PTPRD: variants seen among roughly 807,000 people sequenced by gnomAD.
PTPRD encodes the protein receptor-type tyrosine-protein phosphatase delta.
A neutral mutation model predicts 214.5 loss-of-function variants in PTPRD; 34 were observed. The ratio of observed to expected loss-of-function variants is 0.16; its 90% CI spans 0.12 to 0.21. The LOEUF (loss-of-function observed/expected upper bound fraction) is 0.21. PTPRD is among the 10% of genes least tolerant of loss of function. The pLI is 1.00. For missense variants in PTPRD, 2,545 were observed against 2,398.7 expected, an observed-to-expected ratio of 1.06 and a Z score of -1.27; for synonymous variants, 1,128 against 845.7, an observed-to-expected ratio of 1.33 and a Z score of -5.79.
intron 2 of PTPRD, among the ~76,000 whole-genome samples, chr9:10,428,360 G>T (rs192619836): frequency 6.6e-5 from 10 of 152,078 alleles, no homozygotes; most frequent in Admixed American, 3.3e-4. Context: ...TAATGCCTCA[G>T]TAACATGGCT....
chr9:8,722,500 T>G (rs115584517), intron 12 of PTPRD, among the ~76,000 whole-genome samples: 85,346 of 150,198 alleles, frequency 0.57, 24,882 homozygotes, highest in African/African-American at 0.74. Flanking sequence ...AATAAAGGGT[T>G]TTTTTTTTTC....
intron 2 of PTPRD, among the ~76,000 whole-genome samples, chr9:10,568,264 G>A (rs1316553819): frequency 6.6e-6 from 1 of 151,926 alleles, no homozygotes; most frequent in Non-Finnish European, 1.5e-5. Context: ...ATGGTTTCCA[G>A]CTTCATCCAT....
At chr9:10,316,696 T>G (rs2154423890) in intron 3 of PTPRD, among the ~76,000 whole-genome samples, 1 of 152,016 alleles carries the variant, frequency 6.6e-6, no homozygotes, top group Non-Finnish European at 1.5e-5. Context: ...ATCCATACAT[T>G]TTTCCACATA....
At chr9:10,002,181 T>C (rs1416091078) in intron 4 of PTPRD, among the ~76,000 whole-genome samples, 2 of 150,006 alleles carry the variant, frequency 1.3e-5, no homozygotes, top group East Asian at 2.0e-4. Flanking sequence ...ATAGAATAAA[T>C]AACATAGGAA....
chr9:10,360,304 G>C (rs183419028), intron 2 of PTPRD, among the ~76,000 whole-genome samples: 1 of 152,338 alleles, frequency 6.6e-6, no homozygotes, highest in East Asian at 1.9e-4. Context: ...TAAAAATTTA[G>C]AAAGGGTATT....
rs1260806230 is a variant in PTPRD at position 9,493,563 on chromosome 9, C to T, written c.-237+81169G>A. Among the ~76,000 whole-genome samples the T allele has an allele frequency of 2.6e-5, 4 of 151,928 alleles. No individual in the cohort carries two copies. The East Asian group carries it at 7.8e-4, about 29-fold the overall frequency. On this transcript the variant is annotated intron_variant, in intron 8 of 45. Coordinates refer to ENST00000381196, the MANE Select transcript of PTPRD (RefSeq NM_002839.4). ...TAGCACTTTGGGAGGCCGAGGCAGG[C>T]AGATCACAAGGTCAGGAGATCGAGA...
chr9:8,780,217 T>A (rs1367391382), intron 11 of PTPRD, among the ~76,000 whole-genome samples: 2 of 152,150 alleles, frequency 1.3e-5, no homozygotes, highest in African/African-American at 2.4e-5. Context: ...TCAGTAAAAA[T>A]TCTAGATAAT....
chr9:9,662,568 G>A (rs879914232), intron 7 of PTPRD, among the ~76,000 whole-genome samples: 6 of 151,564 alleles, frequency 4.0e-5, no homozygotes, highest in Non-Finnish European at 4.4e-5. Flanking sequence ...CTTCTGTTAA[G>A]AAATCTGAAT....
chr9:9,717,317 T>C (rs778698389), intron 7 of PTPRD, among the ~76,000 whole-genome samples: 4 of 152,192 alleles, frequency 2.6e-5, no homozygotes, highest in Non-Finnish European at 5.9e-5. Context: ...TCACTTAGGA[T>C]TGACTTGGTA....
intron 7 of PTPRD, among the ~76,000 whole-genome samples, chr9:9,729,572 T>G (rs111866075): frequency 7.2e-5 from 11 of 152,212 alleles, no homozygotes; most frequent in African/African-American, 2.6e-4. Context: ...TAACCTGCTA[T>G]CCCAGCAAGC....
At chr9:8,850,793 T>G (rs922805519) in intron 11 of PTPRD, among the ~76,000 whole-genome samples, 2 of 152,214 alleles carry the variant, frequency 1.3e-5, no homozygotes, top group Non-Finnish European at 2.9e-5. Flanking sequence ...CTACAAGTAG[T>G]TGGAATGTGT....
intron 11 of PTPRD, among the ~76,000 whole-genome samples, chr9:8,921,990 T>C (rs1375207840): frequency 6.6e-5 from 10 of 151,874 alleles, no homozygotes; most frequent in Non-Finnish European, 1.5e-5. Context: ...CAAAGACAGA[T>C]AGAATCCCAG....
intron 11 of PTPRD, among the ~76,000 whole-genome samples, chr9:8,955,536 A>G (rs16928670): frequency 0.039 from 5,965 of 151,930 alleles, 374 homozygotes; most frequent in East Asian, 0.26. Context: ...AGTTCCCTCT[A>G]TGGTGTGCTC....
intron 14 of PTPRD, among the ~76,000 whole-genome samples, chr9:8,588,503 G>T (rs1564548629): frequency 1.3e-5 from 2 of 152,104 alleles, no homozygotes; most frequent in African/African-American, 2.4e-5. Context: ...CTTTTTGTAG[G>T]CATCTAGCTC....
At chr9:9,147,483 C>G (rs1486809296) in intron 10 of PTPRD, among the ~76,000 whole-genome samples, 2 of 152,026 alleles carry the variant, frequency 1.3e-5, no homozygotes, top group Admixed American at 6.6e-5. Context: ...GCAAACTACA[C>G]TAGGACCTGC....
intron 5 of PTPRD, among the ~76,000 whole-genome samples, chr9:9,828,784 T>C (rs2053855665): frequency 6.6e-6 from 1 of 151,850 alleles, no homozygotes; most frequent in Non-Finnish European, 1.5e-5. Context: ...CTACTTGAAG[T>C]AGTGTTTATA....
intron 21 of PTPRD, among the ~76,000 whole-genome samples, chr9:8,515,563 G>A (rs1034287921): frequency 3.9e-5 from 6 of 152,138 alleles, no homozygotes; most frequent in Non-Finnish European, 7.4e-5. Context: ...CCCCAAGTCC[G>A]TTATGACTGT....
rs1191702282 is a variant in PTPRD, at chr9:8,486,203, C to G, written c.2614G>C (p.Glu872Gln). 6 of 1,614,158 alleles carry G rather than the reference C, an allele frequency of 3.7e-6. No individual in the cohort carries two copies. Among genetic ancestry groups the G allele is most frequent in the Non-Finnish European group, 5.1e-6 (6 of 1,180,024 alleles). ...RKDMEPLTTL[E>Q]FSEKEDHFTA... ...AAGTGATCTTCTTTTTCAGAGAACT[C>G]AAGAGTAGTAAGTGGCTCCATATCC... The change falls in exon 28 of 46, where the codon GAG becomes CAG. Residue 872 changes from glutamate (E) to glutamine (Q), a missense_variant. Physicochemically the swap from Glu to Gln is conservative, Grantham distance 29. Transcript: ENST00000381196.
chr9:9,692,067 T>C (rs1392849658), intron 7 of PTPRD, among the ~76,000 whole-genome samples: 1 of 151,296 alleles, frequency 6.6e-6, no homozygotes, highest in Non-Finnish European at 1.5e-5. Flanking sequence ...TCTCCCATTC[T>C]GTGTGTTGTC....
Sources: gnomAD v4.1 joint callset for allele counts (sites outside exome capture counted in the v4.1 genomes callset) on GRCh38, gnomAD v4.1.1 for gene constraint, MANE v1.5 for transcripts, NCBI Gene and HGNC (gene_info 2026-07-23, HGNC 2026-07-21) for gene names.